The following IMPG1 variants were observed in gnomAD, a reference collection of about 807,000 sequenced individuals.
IMPG1 encodes interphotoreceptor matrix proteoglycan 1, also known as interphotoreceptor matrix proteoglycan of 150 kDa.
Under a neutral mutation model 92.0 loss-of-function variants are expected in IMPG1, and 85 were observed. The observed-to-expected ratio is 0.92, with a 90% CI of 0.78 to 1.11. The LOEUF is 1.11. Ranked by LOEUF, IMPG1 falls within the 50% of genes least tolerant of loss-of-function variation. The pLI is 0.00. For missense variants in IMPG1, 1,022 were observed against 956.0 expected (o/e 1.07, Z -0.91); for synonymous variants, 367 against 334.1 (o/e 1.10, Z -1.08).
At chr6:75,963,704 T>A (rs1452831062) in intron 12 of IMPG1, among the ~76,000 whole-genome samples, 1 of 152,202 alleles carries the variant, frequency 6.6e-6, no homozygotes, top group Non-Finnish European at 1.5e-5. Context: ...GTGGCATTTT[T>A]AACTTACCCT....
intron 12 of IMPG1, among the ~76,000 whole-genome samples, chr6:75,995,413 C>T (rs1349216566): frequency 1.3e-5 from 2 of 152,170 alleles, no homozygotes; most frequent in African/African-American, 4.8e-5. Flanking sequence ...TCTCCAAATT[C>T]CTGTGCTCTA....
intron 12 of IMPG1, among the ~76,000 whole-genome samples, chr6:75,976,662 A>G (rs1782540231): frequency 6.6e-6 from 1 of 152,226 alleles, no homozygotes; most frequent in African/African-American, 2.4e-5. Flanking sequence ...CTGTAATCCC[A>G]GCACTTTGGG....
chr6:75,924,678 T>TATATATAATTAATTATATACATG (rs1554226532), intron 15 of IMPG1, among the ~76,000 whole-genome samples: 2 of 3,002 alleles, frequency 6.7e-4, no homozygotes, highest in African/African-American at 2.1e-3. Context: ...AATTATATAT[T>TATATATAATTAATTATATACATG]ATATATTATA....
chr6:75,940,716 C>T (rs935058512), intron 14 of IMPG1, among the ~76,000 whole-genome samples: 1 of 152,088 alleles, frequency 6.6e-6, no homozygotes, highest in Admixed American at 6.6e-5. Flanking sequence ...TTAAGTGAAC[C>T]GGCTCAGCCT....
chr6:75,931,297 A>C, intron 14 of IMPG1, 146 bp from the exon 15 acceptor site: 1 of 668,002 alleles, frequency 1.5e-6, no homozygotes, highest in Non-Finnish European at 2.6e-6. Context: ...TGGAGGGAAA[A>C]GAACCACATT....
chr6:75,987,621 T>C (rs1782739954), intron 12 of IMPG1, among the ~76,000 whole-genome samples: 2 of 150,386 alleles, frequency 1.3e-5, no homozygotes, highest in Admixed American at 1.3e-4. Context: ...TTTATCCATG[T>C]CCCTACAAAG....
chr6:76,057,133 G>A (rs953014042), intron 1 of IMPG1, among the ~76,000 whole-genome samples: 1 of 152,150 alleles, frequency 6.6e-6, no homozygotes, highest in Middle Eastern at 3.4e-3. Flanking sequence ...CAACACACAT[G>A]GGGGGCTGTT....
intron 12 of IMPG1, among the ~76,000 whole-genome samples, chr6:75,987,416 T>C (rs949895723): frequency 2.5e-4 from 38 of 151,786 alleles, no homozygotes; most frequent in African/African-American, 8.9e-4. Flanking sequence ...TAACTCGTCA[T>C]TTACATTAGG....
chr6:76,065,949 A>G (rs1461317083), intron 1 of IMPG1, among the ~76,000 whole-genome samples: 1 of 152,160 alleles, frequency 6.6e-6, no homozygotes, highest in Non-Finnish European at 1.5e-5. Flanking sequence ...AAAACTGTCA[A>G]CAATAAATTT....
Position 76,034,648 on chromosome 6 carries a change from G to A in IMPG1, c.441C>T (p.Ser147=). 1.2e-6 allele frequency: 2 copies of A among 1,614,114 alleles called. No homozygotes were observed. The highest frequency in any genetic ancestry group is 1.7e-6 in the Non-Finnish European group (2 of 1,180,006). Residue 147 remains serine, a synonymous_variant, in exon 3 of 17, where the codon TCC becomes TCT. Coordinates refer to ENST00000369950, the MANE Select transcript of IMPG1 (RefSeq NM_001563.4). ...GCTGGAGAAGATCCAGGTGCTCCTG[G>A]GAATTGCTGAAGTTTTTTCCAATGT... ...LFDIGKNFSN[S]QEHLDLLQQR...
intron 4 of IMPG1, among the ~76,000 whole-genome samples, chr6:76,027,896 C>G (rs2149485783): frequency 6.6e-6 from 1 of 152,286 alleles, no homozygotes; most frequent in Admixed American, 6.5e-5. Flanking sequence ...TAAAAGGCTT[C>G]TCAAAATCAA....
At chr6:75,987,154 T>C (rs904817277) in intron 12 of IMPG1, among the ~76,000 whole-genome samples, 4 of 152,122 alleles carry the variant, frequency 2.6e-5, no homozygotes, top group South Asian at 4.2e-4. Flanking sequence ...CCTCTTTGCC[T>C]AAGAAAGAAA....
At chr6:75,927,262 A>G (rs1781571444) in intron 15 of IMPG1, among the ~76,000 whole-genome samples, 1 of 152,174 alleles carries the variant, frequency 6.6e-6, no homozygotes, top group African/African-American at 2.4e-5. Context: ...ATAGATGAGA[A>G]ATTTGAAGCT....
intron 14 of IMPG1, among the ~76,000 whole-genome samples, chr6:75,933,034 T>G (rs1490373403): frequency 6.6e-6 from 1 of 152,176 alleles, no homozygotes; most frequent in Non-Finnish European, 1.5e-5. Flanking sequence ...CCAGAGCACA[T>G]GTACAAGACA....
At position 75,950,863 on chromosome 6, in the gene IMPG1, G is replaced by A. The variant is rs1317184290; in HGVS notation, c.1523C>T (p.Ser508Leu). 1 of 1,613,812 alleles carries A rather than the reference G, an allele frequency of 6.2e-7. No homozygotes were observed. Among genetic ancestry groups the A allele is most frequent in the South Asian group, 1.1e-5 (1 of 91,072 alleles). The change falls in exon 13 of 17, where the codon TCA (serine) becomes TTA (leucine). Residue 508 changes from serine (S) to leucine (L), a missense_variant. Ser to Leu is a moderately radical substitution (Grantham distance 145, BLOSUM62 -2). Around this residue, in one of 3 missense-constraint regions of IMPG1, gnomAD observed 9 missense variants for 26.2 expected, o/e 0.34. Transcript: ENST00000369950. ...GACCATATCTTCGCCACCTGCACTT[G>A]ATCGGCTGTCATCTGAAGATGCAGG... ...HPPASSDDSRSSAGGEDMVRH... is the reference protein window; with the variant it reads ...HPPASSDDSRLSAGGEDMVRH...
At chr6:75,975,892 A>G (rs1782524633) in intron 12 of IMPG1, among the ~76,000 whole-genome samples, 1 of 152,258 alleles carries the variant, frequency 6.6e-6, no homozygotes, top group Non-Finnish European at 1.5e-5. Context: ...AAGTTCATTT[A>G]TGAGCACTGA....
Position 76,005,372 on chromosome 6 carries a change from G to A in IMPG1, c.1050C>T (p.Leu350=). The A allele has an allele frequency of 6.2e-7, 1 of 1,613,968 alleles. No homozygotes were observed. Among genetic ancestry groups the A allele is most frequent in the Non-Finnish European group, 8.5e-7 (1 of 1,179,862 alleles). The change falls in exon 10 of 17, where the codon CTC becomes CTT. Residue 350 remains leucine (L), a synonymous_variant. Transcript: ENST00000369950. ...MEEDKQPEIY[L]TATDLKRLIS... The stretch of plus-strand genomic sequence containing the variant: ...TCAGCCTTTTGAGGTCTGTAGCTGT[G>A]AGATAGATTTCTGGTTGCTTGTCCT...
chr6:76,030,204 T>C (rs1194052464), intron 4 of IMPG1, among the ~76,000 whole-genome samples: 1 of 152,130 alleles, frequency 6.6e-6, no homozygotes, highest in Non-Finnish European at 1.5e-5. Flanking sequence ...ATCATTCTTA[T>C]TCTCTAAGGC....
In IMPG1 at chr6:76,017,476, G is replaced by T. The variant is rs976131042; in HGVS notation, c.807+1242C>A. ...AATAGAAATATTATATAAAGACAAA[G>T]TATTATGAATTAATAATTTATACTT... On this transcript the variant is annotated intron_variant, in intron 7 of 16. Coordinates refer to ENST00000369950, the MANE Select transcript of IMPG1 (RefSeq NM_001563.4). Among the ~76,000 whole-genome samples the T allele has an allele frequency of 3.9e-5, 6 of 152,226 alleles. No homozygotes were observed. In the East Asian group the frequency reaches 1.2e-3, roughly 29 times the overall value.
Sources: gnomAD v4.1 joint callset for allele counts (sites outside exome capture counted in the v4.1 genomes callset) on GRCh38, gnomAD v4.1.1 for gene constraint, gnomAD v4.1.1 regional missense constraint, MANE v1.5 for transcripts, NCBI Gene and HGNC (gene_info 2026-07-23, HGNC 2026-07-21) for gene names.